The following NUBPL variants were observed in gnomAD, a reference collection of about 807,000 sequenced individuals.
The protein encoded by NUBPL is NUBP iron-sulfur cluster assembly factor, mitochondrial, also known as iron-sulfur cluster transfer protein NUBPL.
A neutral mutation model predicts 45.7 loss-of-function variants in NUBPL; 31 were observed. That is an observed-to-expected ratio of 0.68 (90% CI 0.51 to 0.92). The LOEUF is 0.92. Among genes scored for constraint, NUBPL ranks in the 40% least tolerant of loss-of-function variants. NUBPL has a pLI of 0.00. For synonymous variants in NUBPL, 144 were observed against 140.9 expected (o/e 1.02, Z -0.15); for missense variants, 401 against 398.7 (o/e 1.01, Z -0.05).
intron 6 of NUBPL, among the ~76,000 whole-genome samples, chr14:31,768,212 A>G (rs1051247805): frequency 6.6e-6 from 1 of 152,204 alleles, no homozygotes; most frequent in Non-Finnish European, 1.5e-5. Context: ...GCAGGAGCCT[A>G]TCAAGCAATA....
At chr14:31,713,980 A>G (rs1404367180) in intron 6 of NUBPL, among the ~76,000 whole-genome samples, 1 of 152,178 alleles carries the variant, frequency 6.6e-6, no homozygotes, top group Non-Finnish European at 1.5e-5. Context: ...TTAAACATGC[A>G]TGTGGAAGAC....
At chr14:31,811,298 T>C (rs892744754) in intron 7 of NUBPL, among the ~76,000 whole-genome samples, 15 of 152,306 alleles carry the variant, frequency 9.8e-5, no homozygotes, top group Non-Finnish European at 1.8e-4. Context: ...CTCATATTTC[T>C]TGGAAGATTT....
At chr14:31,741,992 A>G (rs991136533) in intron 6 of NUBPL, among the ~76,000 whole-genome samples, 9 of 152,100 alleles carry the variant, frequency 5.9e-5, no homozygotes, top group Non-Finnish European at 5.9e-5. Flanking sequence ...TATAAAAGTA[A>G]TAGGAGGCAA....
At chr14:31,712,040 C>G (rs79387353) in intron 6 of NUBPL, among the ~76,000 whole-genome samples, 1 of 151,698 alleles carries the variant, frequency 6.6e-6, no homozygotes, top group East Asian at 1.9e-4. Flanking sequence ...TTGTGAAGAG[C>G]AAAAGAACAA....
intron 6 of NUBPL, among the ~76,000 whole-genome samples, chr14:31,696,062 A>G (rs1306608438): frequency 6.6e-6 from 1 of 152,244 alleles, no homozygotes; most frequent in Admixed American, 6.5e-5. Context: ...ACTGTTTTAA[A>G]GTATCAGCCA....
rs148053784 is a variant in NUBPL, at chr14:31,673,649, T to G, written c.513+75T>G. On this transcript the variant is annotated intron_variant, in intron 6 of 10. Coordinates refer to ENST00000281081, the MANE Select transcript of NUBPL (RefSeq NM_025152.3). ...AATACATTTGCTGATTGGAGAATTG[T>G]TAAAATTTGCATTCAGGAATCAGTT... is the stretch of plus-strand genomic sequence containing the variant. 4.7e-5 allele frequency: 61 copies of G among 1,310,264 alleles called. No homozygotes were observed. In the African/African-American group the frequency reaches 6.0e-4, roughly 13 times the overall value. 81.2% of individuals were successfully genotyped at this position (1,310,264 alleles called of 1,614,324 possible). A position where few individuals can be genotyped will look rare whatever the true frequency, so the allele number is the denominator to read the frequency against.
intron 6 of NUBPL, among the ~76,000 whole-genome samples, chr14:31,675,294 CT>C (rs2036667378): frequency 6.6e-6 from 1 of 152,146 alleles, no homozygotes; most frequent in Non-Finnish European, 1.5e-5. Context: ...ATCTTACAGT[CT>C]TTCGTGAAGT....
At chr14:31,764,054 G>T (rs1261703214) in intron 6 of NUBPL, among the ~76,000 whole-genome samples, 2 of 152,064 alleles carry the variant, frequency 1.3e-5, no homozygotes, top group Non-Finnish European at 2.9e-5. Context: ...AGTTAGTTTT[G>T]ATATAGAACA....
At chr14:31,648,964 A>G (rs1212878851) in intron 4 of NUBPL, among the ~76,000 whole-genome samples, 1 of 135,192 alleles carries the variant, frequency 7.4e-6, no homozygotes, top group Non-Finnish European at 1.7e-5. Context: ...GCCCACCACT[A>G]CACCTGGCTA....
At chr14:31,759,367 G>A (rs566210538) in intron 6 of NUBPL, among the ~76,000 whole-genome samples, 7 of 151,642 alleles carry the variant, frequency 4.6e-5, no homozygotes, top group South Asian at 4.2e-4. Flanking sequence ...CATATATGCC[G>A]CATATAGTCG....
At chr14:31,650,139 TA>T (rs2139734361) in intron 4 of NUBPL, among the ~76,000 whole-genome samples, 1 of 152,206 alleles carries the variant, frequency 6.6e-6, no homozygotes, top group South Asian at 2.1e-4. Flanking sequence ...TTTTCAGGGA[TA>T]ATCATGTTGT....
intron 7 of NUBPL, among the ~76,000 whole-genome samples, chr14:31,802,681 C>T (rs1426529735): frequency 1.3e-5 from 2 of 152,260 alleles, no homozygotes; most frequent in African/African-American, 4.8e-5. Flanking sequence ...GCCAAATAAA[C>T]TTATTTTCCT....
chr14:31,608,301 C>G (rs1018970488), intron 4 of NUBPL, among the ~76,000 whole-genome samples: 3 of 152,184 alleles, frequency 2.0e-5, no homozygotes, highest in African/African-American at 7.2e-5. Flanking sequence ...CTCCTATAAT[C>G]CCAGCACTTT....
chr14:31,601,073 G>A (rs541383842), intron 4 of NUBPL, among the ~76,000 whole-genome samples: 1 of 152,244 alleles, frequency 6.6e-6, no homozygotes, highest in Admixed American at 6.5e-5. Flanking sequence ...TAGATATGCG[G>A]CGTTATTTCT....
chr14:31,803,033 T>C (rs1478055912), intron 7 of NUBPL, among the ~76,000 whole-genome samples: 1 of 152,240 alleles, frequency 6.6e-6, no homozygotes, highest in African/African-American at 2.4e-5. Flanking sequence ...ATATTTTTCC[T>C]TCCATCAGCA....
intron 6 of NUBPL, among the ~76,000 whole-genome samples, chr14:31,767,067 C>T (rs1301649409): frequency 6.6e-6 from 1 of 152,120 alleles, no homozygotes; most frequent in Non-Finnish European, 1.5e-5. Context: ...AAGTGCCCCC[C>T]TCAAAGCCCC....
chr14:31,591,691 T>C (rs1210080062), intron 3 of NUBPL, among the ~76,000 whole-genome samples: 4 of 152,032 alleles, frequency 2.6e-5, no homozygotes, highest in African/African-American at 9.7e-5. Flanking sequence ...TATAGTAATA[T>C]TACTTAATTT....
At chr14:31,820,215 C>T (rs2039994244) in intron 7 of NUBPL, among the ~76,000 whole-genome samples, 1 of 151,832 alleles carries the variant, frequency 6.6e-6, no homozygotes, top group Non-Finnish European at 1.5e-5. Context: ...GCATTTTTCC[C>T]TCAGAAAATA....
chr14:31,733,964 G>A (rs2038109268), intron 6 of NUBPL, among the ~76,000 whole-genome samples: 1 of 152,088 alleles, frequency 6.6e-6, no homozygotes, highest in African/African-American at 2.4e-5. Flanking sequence ...GCTGAGAGTT[G>A]TTATTATTAA....
Sources: allele counts gnomAD v4.1 joint callset (sites outside exome capture counted in the v4.1 genomes callset), GRCh38; gene constraint gnomAD v4.1.1; transcripts MANE v1.5; gene names NCBI Gene and HGNC (gene_info 2026-07-23, HGNC 2026-07-21).